Variants in DDX4 observed in about 807,000 individuals in gnomAD.
The protein encoded by DDX4 is DEAD-box helicase 4.
In DDX4, 25 loss-of-function variants were observed where a neutral mutation model predicts 100.0. The observed-to-expected ratio is 0.25, with a 90% CI of 0.18 to 0.35. DDX4 has a LOEUF of 0.35. Among genes scored for constraint, DDX4 ranks in the 10% least tolerant of loss-of-function variants. The pLI, the probability that DDX4 is intolerant of heterozygous loss-of-function variation, is 1.00. For missense variants in DDX4, 635 were observed against 882.4 expected, an observed-to-expected ratio of 0.72 and a Z score of 3.55; for synonymous variants, 259 against 275.7, an observed-to-expected ratio of 0.94 and a Z score of 0.60.
At chr5:55,787,597 G>T (rs1334841034) in intron 14 of DDX4, among the ~76,000 whole-genome samples, 2 of 152,092 alleles carry the variant, frequency 1.3e-5, no homozygotes, top group East Asian at 3.9e-4. Flanking sequence ...TCGTGGGTAT[G>T]CTTTTGAAAA....
rs1002834426 is a variant in DDX4 at position 55,738,083 on chromosome 5, G to T, written c.-33G>T. On this transcript the variant is annotated 5_prime_UTR_variant, in exon 1 of 22. Coordinates refer to ENST00000505374, the MANE Select transcript of DDX4 (RefSeq NM_024415.3). ...CGCGTGGGCGCCTGCGAGGGCTTGGGAGAGCAAGCCGCGGAGAGGTGAGTG... is the reference window on the plus strand; with the variant it reads ...CGCGTGGGCGCCTGCGAGGGCTTGGTAGAGCAAGCCGCGGAGAGGTGAGTG... The T allele has an allele frequency of 6.6e-6, 1 of 152,338 alleles. No individual in the cohort carries two copies. The highest frequency in any genetic ancestry group is 1.5e-5 in the Non-Finnish European group (1 of 68,102). The allele number at this position is 152,338 out of a possible 1,614,324, so 9.4% of individuals were successfully genotyped here.
intron 3 of DDX4, among the ~76,000 whole-genome samples, chr5:55,758,284 A>T (rs772063064): frequency 6.6e-6 from 1 of 152,182 alleles, no homozygotes; most frequent in Non-Finnish European, 1.5e-5. Flanking sequence ...CCAATTAGTC[A>T]TAATATATTT....
intron 17 of DDX4, among the ~76,000 whole-genome samples, chr5:55,796,823 C>CTT (rs3990072): frequency 0.02 from 1,182 of 59,762 alleles, 216 homozygotes; most frequent in Middle Eastern, 0.033. Context: ...TTCTTTCTTT[C>CTT]TTTTTTTTTT....
At chr5:55,742,570 A>G (rs1759038701) in intron 2 of DDX4, among the ~76,000 whole-genome samples, 1 of 152,248 alleles carries the variant, frequency 6.6e-6, no homozygotes, top group African/African-American at 2.4e-5. Context: ...ATCAAAATGC[A>G]AAAGGATTAT....
chr5:55,797,462 G>C (rs77867975), intron 17 of DDX4, among the ~76,000 whole-genome samples: 1 of 152,252 alleles, frequency 6.6e-6, no homozygotes, highest in African/African-American at 2.4e-5. Context: ...TTCAAGATTT[G>C]TGCCTGGGTG....
intron 18 of DDX4, among the ~76,000 whole-genome samples, chr5:55,807,418 T>A (rs1020625394): frequency 3.3e-5 from 5 of 152,204 alleles, no homozygotes; most frequent in African/African-American, 1.2e-4. Flanking sequence ...TTCCTAGCCT[T>A]GATGGTCTTT....
At position 55,772,795 on chromosome 5, in the gene DDX4, G is replaced by A. The variant is rs73131134; in HGVS notation, c.394+4855G>A. Among the ~76,000 whole-genome samples, 1,447 of 152,254 alleles carry A rather than the reference G, an allele frequency of 9.5e-3. 27 individuals are homozygous for A. Among genetic ancestry groups the A allele is most frequent in the African/African-American group, 0.033 (1,379 of 41,534 alleles). On this transcript the variant is annotated intron_variant, in intron 7 of 21. Transcript: ENST00000505374. ...CTTCAGCCATGGGTGGAAGCAGCCT[G>A]AGGCTCTTCCCAGATGCCCAGTCTT... is the stretch of plus-strand genomic sequence containing the variant.
Position 55,763,256 on chromosome 5 carries a change from A to G in DDX4, c.283+4A>G, listed in dbSNP as rs1740677888. ...GGAAAGAGTTTTGGAAACAGAGGTA[A>G]TTACTTGGTTATGATATCTTACAAT... On this transcript the variant is annotated splice_donor_region_variant and intron_variant, in intron 5 of 21. Transcript: ENST00000505374. The G allele has an allele frequency of 1.3e-6, 2 of 1,580,270 alleles. No homozygotes were observed. The highest frequency in any genetic ancestry group is 2.7e-5 in the African/African-American group (2 of 74,144).
chr5:55,754,251 T>G (rs983525061), intron 3 of DDX4, among the ~76,000 whole-genome samples: 2 of 150,410 alleles, frequency 1.3e-5, no homozygotes, highest in African/African-American at 4.9e-5. Flanking sequence ...GTCTTGTGCC[T>G]GTTTTCAAAG....
intron 3 of DDX4, among the ~76,000 whole-genome samples, chr5:55,754,970 T>G (rs1264839286): frequency 2.6e-5 from 4 of 152,208 alleles, no homozygotes; most frequent in African/African-American, 9.6e-5. Flanking sequence ...TAGAGGTGTT[T>G]GTAGTATTCT....
intron 6 of DDX4, among the ~76,000 whole-genome samples, chr5:55,766,319 A>G (rs141815152): frequency 1.8e-3 from 281 of 152,158 alleles, no homozygotes; most frequent in African/African-American, 4.8e-3. Flanking sequence ...AACTTCTCTT[A>G]ATGTTTTCTA....
chr5:55,742,330 G>C (rs1292827329), intron 2 of DDX4: 3 of 409,630 alleles, frequency 7.3e-6, no homozygotes, highest in Non-Finnish European at 1.5e-5. Context: ...ATGTAAGCCT[G>C]TATAGTGATC....
intron 7 of DDX4, among the ~76,000 whole-genome samples, chr5:55,774,605 T>C (rs781128521): frequency 1.4e-4 from 22 of 152,238 alleles, no homozygotes; most frequent in Non-Finnish European, 2.9e-4. Context: ...TCCAGAGTCA[T>C]GCAGACTTTT....
chr5:55,745,503 A>G (rs1759203146), intron 2 of DDX4, among the ~76,000 whole-genome samples: 2 of 151,972 alleles, frequency 1.3e-5, no homozygotes, highest in Admixed American at 1.3e-4. Context: ...GCTCACTTCA[A>G]CTTCTGCCTC....
At chr5:55,785,167 G>C (rs1283142739) in intron 10 of DDX4, 130 bp from the exon 11 acceptor site, 1 of 696,580 alleles carries the variant, frequency 1.4e-6, no homozygotes, top group Non-Finnish European at 2.6e-6. Context: ...CTATTTAATT[G>C]TTTCAAGTAT....
chr5:55,803,473 C>G (rs1430990935), intron 18 of DDX4, among the ~76,000 whole-genome samples: 1 of 84,270 alleles, frequency 1.2e-5, no homozygotes, highest in Admixed American at 1.4e-4. Flanking sequence ...TATCCCTCCC[C>G]CCTCCCCCCA....
At chr5:55,752,049 T>C (rs1331537387) in intron 3 of DDX4, among the ~76,000 whole-genome samples, 1 of 152,110 alleles carries the variant, frequency 6.6e-6, no homozygotes, top group East Asian at 1.9e-4. Context: ...GACGCTAAAG[T>C]TTTTCTGGTC....
Position 55,792,813 on chromosome 5 carries a change from G to T in DDX4, c.1469+6G>T. The T allele has an allele frequency of 7.2e-7, 1 of 1,381,076 alleles. No individual in the cohort carries two copies. The highest frequency in any genetic ancestry group is 9.4e-7 in the Non-Finnish European group (1 of 1,061,106). 85.6% of individuals were successfully genotyped at this position (1,381,076 alleles called of 1,614,324 possible). A position where few individuals can be genotyped will look rare whatever the true frequency, so the allele number is the denominator to read the frequency against. ...TTTCCAGAGGAAATTCAAAGGTTAA[G>T]TTTTTTTCTTAAAAATAATTTAATT... On this transcript the variant is annotated splice_donor_region_variant and intron_variant, in intron 17 of 21. Transcript: ENST00000505374.
At chr5:55,767,305 G>A (rs903337108) in intron 6 of DDX4, among the ~76,000 whole-genome samples, 1 of 152,210 alleles carries the variant, frequency 6.6e-6, no homozygotes, top group Non-Finnish European at 1.5e-5. Context: ...GCCAGGCATG[G>A]TGGCGCATGC....
Sources: allele counts gnomAD v4.1 joint callset (sites outside exome capture counted in the v4.1 genomes callset), GRCh38; gene constraint gnomAD v4.1.1; transcripts MANE v1.5; gene names NCBI Gene and HGNC (gene_info 2026-07-23, HGNC 2026-07-21).